Variants in GALNT7 observed in about 807,000 individuals in gnomAD.
The protein encoded by GALNT7 is N-acetylgalactosaminyltransferase 7.
In GALNT7, 60 loss-of-function variants were observed where a neutral mutation model predicts 82.1. The observed-to-expected ratio is 0.73, with a 90% CI of 0.59 to 0.91. GALNT7 has a LOEUF of 0.91. Ranked by LOEUF, GALNT7 falls within the 40% of genes least tolerant of loss-of-function variation. The probability of loss-of-function intolerance (pLI) is 0.00; values close to 1 mark genes in which losing one functional copy is unlikely to be tolerated. For synonymous variants in GALNT7, 243 were observed against 275.1 expected (o/e 0.88, Z 1.15); for missense variants, 660 against 804.2 (o/e 0.82, Z 2.17).
intron 1 of GALNT7, among the ~76,000 whole-genome samples, chr4:173,176,200 C>A (rs547662894): frequency 6.6e-6 from 1 of 152,248 alleles, no homozygotes; most frequent in South Asian, 2.1e-4. Context: ...GCAAATCTGG[C>A]GGAAAAGCAT....
intron 2 of GALNT7, among the ~76,000 whole-genome samples, chr4:173,266,129 G>C (rs886758400): frequency 6.6e-6 from 1 of 152,134 alleles, no homozygotes; most frequent in Non-Finnish European, 1.5e-5. Context: ...GCCTAGTGGC[G>C]TGCGGCCATG....
chr4:173,287,406 G>A (rs1228126004), intron 2 of GALNT7, among the ~76,000 whole-genome samples: 3 of 152,268 alleles, frequency 2.0e-5, no homozygotes, highest in African/African-American at 4.8e-5. Flanking sequence ...TGAAGTTGGG[G>A]CTTGCCCCGA....
intron 1 of GALNT7, among the ~76,000 whole-genome samples, chr4:173,174,580 A>G (rs1384031223): frequency 6.6e-6 from 1 of 152,236 alleles, no homozygotes; most frequent in Non-Finnish European, 1.5e-5. Flanking sequence ...ATGTGAGGTC[A>G]GGCATCAGCC....
intron 2 of GALNT7, among the ~76,000 whole-genome samples, chr4:173,276,310 T>C (rs1735909640): frequency 6.6e-6 from 1 of 152,178 alleles, no homozygotes; most frequent in Non-Finnish European, 1.5e-5. Flanking sequence ...TTTGCTGACA[T>C]TTTAATCTTG....
chr4:173,204,152 C>T (rs1444621970), intron 1 of GALNT7, among the ~76,000 whole-genome samples: 1 of 152,172 alleles, frequency 6.6e-6, no homozygotes, highest in Non-Finnish European at 1.5e-5. Flanking sequence ...CTGAATGTAT[C>T]ATCTCACTCT....
chr4:173,264,622 A>G (rs901535244), intron 2 of GALNT7, among the ~76,000 whole-genome samples: 6 of 152,176 alleles, frequency 3.9e-5, no homozygotes, highest in Non-Finnish European at 8.8e-5. Flanking sequence ...TGTTCTTGGC[A>G]CCTTCTTTAA....
At chr4:173,190,312 C>T (rs76837869) in intron 1 of GALNT7, among the ~76,000 whole-genome samples, 1,702 of 152,300 alleles carry the variant, frequency 0.011, 30 homozygotes, top group East Asian at 0.057. Flanking sequence ...CTTTCAGTAT[C>T]TTTATTCTAG....
At chr4:173,277,225 G>A (rs1735944215) in intron 2 of GALNT7, among the ~76,000 whole-genome samples, 1 of 152,194 alleles carries the variant, frequency 6.6e-6, no homozygotes, top group African/African-American at 2.4e-5. Context: ...GGTGGTGCGA[G>A]CTACTAGTTG....
intron 1 of GALNT7, among the ~76,000 whole-genome samples, chr4:173,185,140 C>T (rs142122483): frequency 4.1e-4 from 62 of 152,242 alleles, no homozygotes; most frequent in African/African-American, 1.5e-3. Context: ...CAAAAATCAC[C>T]GTGCTTTGAC....
intron 2 of GALNT7, among the ~76,000 whole-genome samples, chr4:173,285,531 G>A (rs765534789): frequency 6.6e-5 from 10 of 152,152 alleles, no homozygotes; most frequent in Non-Finnish European, 1.3e-4. Flanking sequence ...CCTTGAAGAC[G>A]TTTGTATTTT....
chr4:173,275,218 T>A (rs1735857451), intron 2 of GALNT7, among the ~76,000 whole-genome samples: 1 of 152,190 alleles, frequency 6.6e-6, no homozygotes. Flanking sequence ...CCAGAGTTTA[T>A]ACACATTATT....
In GALNT7 at chr4:173,304,003, A is replaced by AG; in HGVS notation, c.1275dup (p.Cys426ValfsTer20). 1 of 1,610,260 alleles carries AG rather than the reference A, an allele frequency of 6.2e-7. No individual in the cohort carries two copies. The highest frequency in any genetic ancestry group is 1.1e-5 in the South Asian group (1 of 90,452). On this transcript the variant is annotated frameshift_variant, in exon 8 of 12. Transcript: ENST00000265000. LOFTEE classifies it high-confidence loss of function. The stretch of plus-strand genomic sequence containing the variant: ...CGTGTTTTTCCTTCATAGATATGGC[A>AG]GTGTGGTGGCAAATTATTATTTGTT...
At chr4:173,224,506 A>C (rs986113481) in intron 1 of GALNT7, among the ~76,000 whole-genome samples, 5 of 152,218 alleles carry the variant, frequency 3.3e-5, no homozygotes, top group Admixed American at 6.5e-5. Flanking sequence ...CAGTGCAAGG[A>C]AATATGTGTA....
Position 173,321,766 on chromosome 4 carries a change from C to A in GALNT7, c.*49C>A. Reference sequence around the variant, plus strand: ...CTACCTACTGACAAGTAAATTTATACAGGACTGAAAACCGCCTGAAACCTG... The same window carrying A: ...CTACCTACTGACAAGTAAATTTATAAAGGACTGAAAACCGCCTGAAACCTG... On this transcript the variant is annotated 3_prime_UTR_variant, in exon 12 of 12. Transcript: ENST00000265000. The A allele has an allele frequency of 1.4e-6, 2 of 1,408,486 alleles. No individual in the cohort carries two copies. The highest frequency in any genetic ancestry group is 2.0e-6 in the Non-Finnish European group (2 of 1,000,686). 87.2% of individuals were successfully genotyped at this position (1,408,486 alleles called of 1,614,324 possible).
intron 8 of GALNT7, among the ~76,000 whole-genome samples, chr4:173,307,347 C>T (rs902957146): frequency 2.0e-5 from 3 of 152,182 alleles, no homozygotes; most frequent in Admixed American, 6.5e-5. Flanking sequence ...ACAGATATTT[C>T]GCTACTGTAT....
chr4:173,318,576 C>G lies in GALNT7; in HGVS notation c.1836+17C>G. On this transcript the variant is annotated intron_variant, in intron 11 of 11. Transcript: ENST00000265000. ...TACTTCAAGGTATTCTGCATTTTAA[C>G]TTCTGAAATATTATATGCTTTTCAT... 6.9e-7 allele frequency: 1 copy of G among 1,458,672 alleles called. No individual in the cohort carries two copies. The highest frequency in any genetic ancestry group is 9.6e-7 in the Non-Finnish European group (1 of 1,043,752). 90.4% of individuals were successfully genotyped at this position (1,458,672 alleles called of 1,614,324 possible). A position where few individuals can be genotyped will look rare whatever the true frequency, so the allele number is the denominator to read the frequency against.
At chr4:173,297,855 A>G (rs1736777236) in intron 5 of GALNT7, 2 of 1,496,066 alleles carry the variant, frequency 1.3e-6, no homozygotes, top group African/African-American at 2.8e-5. Context: ...CCATTGAACC[A>G]CAGCAAGGTG....
At chr4:173,281,345 G>A (rs771419913) in intron 2 of GALNT7, among the ~76,000 whole-genome samples, 12 of 152,128 alleles carry the variant, frequency 7.9e-5, no homozygotes, top group Non-Finnish European at 1.3e-4. Context: ...CCCACTATGG[G>A]GACTTATCTC....
In GALNT7 at chr4:173,295,943, C is replaced by T. The variant is rs1183003899; in HGVS notation, c.965+100C>T. The T allele has an allele frequency of 3.6e-5, 27 of 756,688 alleles. No individual in the cohort carries two copies. The Middle Eastern group carries it at 9.2e-4, about 26-fold the overall frequency. 46.9% of individuals were successfully genotyped at this position (756,688 alleles called of 1,614,324 possible). ...CCTTTGATTCCAGCTCCATTCAGTGCATCGAGTGTGCTTTAGTGTTATCCC... is the reference window on the plus strand; with the variant it reads ...CCTTTGATTCCAGCTCCATTCAGTGTATCGAGTGTGCTTTAGTGTTATCCC... On this transcript the variant is annotated intron_variant, in intron 5 of 11. Transcript: ENST00000265000.
Sources: allele counts gnomAD v4.1 joint callset (sites outside exome capture counted in the v4.1 genomes callset), GRCh38; gene constraint gnomAD v4.1.1; transcripts MANE v1.5; gene names NCBI Gene and HGNC (gene_info 2026-07-23, HGNC 2026-07-21).